Variants in HEG1 observed in about 807,000 individuals in gnomAD.
HEG1 encodes the protein protein HEG homolog 1.
A neutral mutation model predicts 125.6 loss-of-function variants in HEG1; 56 were observed. The observed-to-expected ratio is 0.45, with a 90% CI of 0.36 to 0.56. HEG1 has a LOEUF of 0.56. HEG1 is among the 20% of genes least tolerant of loss of function. The pLI is 0.00. For synonymous variants in HEG1, 644 were observed against 668.5 expected (o/e 0.96, Z 0.57); for missense variants, 1,523 against 1,670.0 (o/e 0.91, Z 1.53).
chr3:124,996,597 C>A (rs1476579834), intron 12 of HEG1, among the ~76,000 whole-genome samples: 1 of 152,214 alleles, frequency 6.6e-6, no homozygotes, highest in Non-Finnish European at 1.5e-5. Context: ...GCTGATGATG[C>A]GCACTTGAGA....
At chr3:125,041,086 C>A (rs189401011) in intron 1 of HEG1, among the ~76,000 whole-genome samples, 1 of 152,302 alleles carries the variant, frequency 6.6e-6, no homozygotes, top group Admixed American at 6.5e-5. Flanking sequence ...CTCCTTCATT[C>A]CAGTGTCTTT....
chr3:124,992,132 G>A (rs1936844031), intron 12 of HEG1, among the ~76,000 whole-genome samples: 2 of 152,298 alleles, frequency 1.3e-5, no homozygotes, highest in Admixed American at 6.5e-5. Flanking sequence ...GTGTACCCAG[G>A]TTTTCGTAAC....
chr3:124,994,663 G>A (rs1291519900), intron 12 of HEG1, among the ~76,000 whole-genome samples: 1 of 151,970 alleles, frequency 6.6e-6, no homozygotes, highest in African/African-American at 2.4e-5. Context: ...GCACCACCAC[G>A]CCCAGCTAAT....
At chr3:125,021,438 A>C (rs910093964) in intron 3 of HEG1, among the ~76,000 whole-genome samples, 1 of 152,166 alleles carries the variant, frequency 6.6e-6, no homozygotes, top group Non-Finnish European at 1.5e-5. Context: ...TGTCTGCTGA[A>C]TTCTACATTA....
At chr3:125,014,410 T>G (rs1424872631) in intron 5 of HEG1, among the ~76,000 whole-genome samples, 1 of 152,196 alleles carries the variant, frequency 6.6e-6, no homozygotes, top group Non-Finnish European at 1.5e-5. Flanking sequence ...CTTTCCATTC[T>G]ATAGAATGAG....
intron 8 of HEG1, among the ~76,000 whole-genome samples, chr3:125,007,228 A>G (rs1261467188): frequency 1.3e-5 from 2 of 150,576 alleles, no homozygotes; most frequent in Admixed American, 1.3e-4. Context: ...AAAGAAATTC[A>G]CATCGCAAAT....
intron 14 of HEG1, among the ~76,000 whole-genome samples, chr3:124,978,866 G>C (rs886488399): frequency 1.3e-5 from 2 of 151,212 alleles, no homozygotes; most frequent in African/African-American, 4.8e-5. Flanking sequence ...AGATAACGCA[G>C]AATCTTTTCT....
rs758142069 is a variant in HEG1 at position 125,027,493 on chromosome 3, G to C, written c.625C>G (p.His209Asp). ...AACTCTGAACTGCTGGATGGCAGGT[G>C]AAGACTTTCTGAGGCTGAAAACAGA... ...QSGNLASESL[H>D]LPSSSSEFDE... Residue 209 changes from histidine (H) to aspartate (D), a missense_variant, in exon 3 of 17, where the codon CAC becomes GAC. His to Asp is a moderately conservative substitution (Grantham distance 81). Coordinates refer to ENST00000311127, the MANE Select transcript of HEG1 (RefSeq NM_020733.2). 37 of 1,606,190 alleles carry C rather than the reference G, an allele frequency of 2.3e-5. No homozygotes were observed. Among genetic ancestry groups the C allele is most frequent in the Non-Finnish European group, 2.9e-5 (34 of 1,176,554 alleles).
At chr3:124,971,457 T>TTA (rs1165831334) in intron 16 of HEG1, among the ~76,000 whole-genome samples, 6 of 151,888 alleles carry the variant, frequency 4.0e-5, no homozygotes, top group Admixed American at 1.3e-4. Flanking sequence ...TTTCTTTTTT[T>TTA]ACCTTTCCCT....
chr3:124,972,872 C>T (rs908043212), intron 16 of HEG1, among the ~76,000 whole-genome samples: 4 of 152,094 alleles, frequency 2.6e-5, no homozygotes, highest in Non-Finnish European at 4.4e-5. Context: ...CCAGGCTGGA[C>T]ATAGCAAATT....
In HEG1 at chr3:124,977,743, A is replaced by G. The variant is rs1047134255; in HGVS notation, c.3821+116T>C. On this transcript the variant is annotated intron_variant, in intron 15 of 16. Transcript: ENST00000311127. ...CTCCTTTTTTAAAAATGGGTTAGTC[A>G]CACATTATGGTTTAATATTGTGAAC... 1.3e-5 allele frequency: 7 copies of G among 548,664 alleles called. No individual in the cohort carries two copies. The African/African-American group carries it at 1.4e-4, about 11-fold the overall frequency. The allele number at this position is 548,664 out of a possible 1,614,324, so 34.0% of individuals were successfully genotyped here.
intron 11 of HEG1, among the ~76,000 whole-genome samples, chr3:125,000,097 C>G (rs1465345008): frequency 6.6e-6 from 1 of 152,088 alleles, no homozygotes; most frequent in East Asian, 1.9e-4. Flanking sequence ...CTGGAGAAGA[C>G]CTGGGAGGAA....
chr3:125,026,296 A>G (rs1235596122), intron 3 of HEG1, among the ~76,000 whole-genome samples: 1 of 152,148 alleles, frequency 6.6e-6, no homozygotes, highest in Non-Finnish European at 1.5e-5. Context: ...GCGAGGGGGA[A>G]CCTAAAGGAA....
In HEG1 at chr3:124,990,802, G is replaced by T; in HGVS notation, c.3718C>A (p.Leu1240Ile). 1 of 1,563,544 alleles carries T rather than the reference G, an allele frequency of 6.4e-7. No homozygotes were observed. The highest frequency in any genetic ancestry group is 2.4e-5 in the East Asian group (1 of 42,254). Residue 1240 changes from leucine (L) to isoleucine (I), a missense_variant, in exon 14 of 17, where the codon CTC (leucine) becomes ATC (isoleucine). Coordinates refer to ENST00000311127, the MANE Select transcript of HEG1 (RefSeq NM_020733.2). ...CMSCPFGLGG[L>I]NCGNPYQLIT... ...GTACACTTACGGTTTCCACAGTTGAGACCACCAAGGCCAAATGGGCAACTG... is the reference window on the plus strand; with the variant it reads ...GTACACTTACGGTTTCCACAGTTGATACCACCAAGGCCAAATGGGCAACTG...
chr3:125,018,585 C>T (rs552089894), intron 5 of HEG1, among the ~76,000 whole-genome samples: 67 of 152,216 alleles, frequency 4.4e-4, no homozygotes, highest in African/African-American at 1.5e-3. Flanking sequence ...ATGAATGCCC[C>T]GACAACTACT....
intron 1 of HEG1, among the ~76,000 whole-genome samples, chr3:125,036,156 G>A (rs1256302662): frequency 7.2e-5 from 10 of 138,214 alleles, no homozygotes; most frequent in African/African-American, 2.7e-4. Context: ...GCTGCAGTGA[G>A]CTATGATGGT....
At chr3:125,046,456 C>G (rs1385854782) in intron 1 of HEG1, among the ~76,000 whole-genome samples, 2 of 150,454 alleles carry the variant, frequency 1.3e-5, no homozygotes, top group South Asian at 4.2e-4. Context: ...TTTAATTATA[C>G]AGATGAGGTC....
rs375653625 is a variant in HEG1 at position 125,027,473 on chromosome 3, T to G, written c.645A>C (p.Ser215=). The G allele has an allele frequency of 6.2e-7, 1 of 1,612,450 alleles. No individual in the cohort carries two copies. The highest frequency in any genetic ancestry group is 8.5e-7 in the Non-Finnish European group (1 of 1,179,228). Residue 215 remains serine, a synonymous_variant, in exon 3 of 17, where the codon TCA becomes TCC. Transcript: ENST00000311127. ...AAGCGGCAATTCTTTCATCGAACTCTGAACTGCTGGATGGCAGGTGAAGAC... is the reference window on the plus strand; with the variant it reads ...AAGCGGCAATTCTTTCATCGAACTCGGAACTGCTGGATGGCAGGTGAAGAC... ...SESLHLPSSS[S]EFDERIAAFQ...
rs182226134 is a variant in HEG1 at position 125,055,516 on chromosome 3, G to A, written c.316+59C>T. 7.2e-4 allele frequency: 790 copies of A among 1,103,248 alleles called. 5 individuals carry two copies. The African/African-American group carries it at 0.011, about 15-fold the overall frequency. The allele number at this position is 1,103,248 out of a possible 1,614,324, so 68.3% of individuals were successfully genotyped here. A position where few individuals can be genotyped will look rare whatever the true frequency, so the allele number is the denominator to read the frequency against. On this transcript the variant is annotated intron_variant, in intron 1 of 16. Coordinates refer to ENST00000311127, the MANE Select transcript of HEG1 (RefSeq NM_020733.2). ...GCCTACGGCTGGGGATGCAGCCCGGGGCGCGCCCACGCCCCCAGCACAGAC... is the reference window on the plus strand; with the variant it reads ...GCCTACGGCTGGGGATGCAGCCCGGAGCGCGCCCACGCCCCCAGCACAGAC...
Sources: allele counts gnomAD v4.1 joint callset (sites outside exome capture counted in the v4.1 genomes callset), GRCh38; gene constraint gnomAD v4.1.1; transcripts MANE v1.5; gene names NCBI Gene and HGNC (gene_info 2026-07-23, HGNC 2026-07-21).